Variants in MX1 observed in about 807,000 individuals in gnomAD.
MX1 encodes the protein interferon-induced GTP-binding protein Mx1.
In MX1, 66 loss-of-function variants were observed where a neutral mutation model predicts 66.4. The observed-to-expected ratio is 0.99, with a 90% CI of 0.82 to 1.22. The LOEUF is 1.22. Ranked by LOEUF, MX1 falls within the 50% of genes most tolerant of loss-of-function variation. The pLI is 0.00. For synonymous variants in MX1, 311 were observed against 318.1 expected, an observed-to-expected ratio of 0.98 and a Z score of 0.24; for missense variants, 787 against 834.3, an observed-to-expected ratio of 0.94 and a Z score of 0.70.
At chr21:41,421,582 G>T (rs1200024212), upstream of MX1, among the ~76,000 whole-genome samples, 1 of 152,218 alleles carries the variant, frequency 6.6e-6, no homozygotes, top group Non-Finnish European at 1.5e-5. Flanking sequence ...TTAGGGCGTG[G>T]TGATGACTCT....
chr21:41,435,992 G>A lies in MX1; in HGVS notation c.261G>A (p.Leu87=), dbSNP rs372896614. 2.5e-6 allele frequency: 4 copies of A among 1,614,208 alleles called. No homozygotes were observed. Among genetic ancestry groups the A allele is most frequent in the Non-Finnish European group, 2.5e-6 (3 of 1,180,038 alleles). The change falls in exon 6 of 17, where the codon TTG becomes TTA. Residue 87 remains leucine, a synonymous_variant. Transcript: ENST00000398598. ...GDQSSGKSSV[L]EALSGVALPR... ...AGAGCTCGGGCAAGAGCTCCGTGTT[G>A]GAGGCACTGTCAGGAGTTGCCCTTC... is the stretch of plus-strand genomic sequence containing the variant.
In MX1 at chr21:41,435,872, G is replaced by A; in HGVS notation, c.141G>A (p.Glu47=). 6.2e-7 allele frequency: 1 copy of A among 1,613,240 alleles called. No individual in the cohort carries two copies. The highest frequency in any genetic ancestry group is 8.5e-7 in the Non-Finnish European group (1 of 1,179,200). The change falls in exon 6 of 17, where the codon GAG becomes GAA. Residue 47 remains glutamate (E), a synonymous_variant. Transcript: ENST00000398598. ...ACAACCTGTGCAGCCAGTATGAGGA[G>A]AAGGTGCGCCCCTGCATCGACCTCA... The part of the protein sequence containing the change: ...AENNLCSQYE[E]KVRPCIDLID...
rs2090496638 is a variant in MX1, at chr21:41,441,077, G to GTGCTCGATGAGAATGGGGGAGCCCGCCTA, written c.730+58_730+59insATGAGAATGGGGGAGCCCGCCTATGCTCG. On this transcript the variant is annotated intron_variant, in intron 9 of 16. Transcript: ENST00000398598. This position sits in a 1 kb window ranked among gnomAD's most constrained non-coding sequence, Gnocchi z 4.0. ...TCAGTGAGAATGGGGGAGCCCGCCT[G>GTGCTCGATGAGAATGGGGGAGCCCGCCTA]TGCTCGGTGAGAATGGGGGAGCCCA... 6.9e-7 allele frequency: 1 copy of GTGCTCGATGAGAATGGGGGAGCCCGCCTA among 1,457,212 alleles called. No homozygotes were observed. The highest frequency in any genetic ancestry group is 9.2e-7 in the Non-Finnish European group (1 of 1,086,000). 90.3% of individuals were successfully genotyped at this position (1,457,212 alleles called of 1,614,324 possible).
intron 12 of MX1, 77 bp from the exon 13 acceptor site, chr21:41,445,923 T>C (rs528198222): frequency 6.4e-7 from 1 of 1,566,164 alleles, no homozygotes; most frequent in African/African-American, 1.4e-5. Flanking sequence ...ACCCTCCACA[T>C]AGGCACGGCC....
chr21:41,437,164 C>T lies in MX1; in HGVS notation c.436+12C>T. The T allele has an allele frequency of 6.2e-7, 1 of 1,613,720 alleles. No homozygotes were observed. Among genetic ancestry groups the T allele is most frequent in the Non-Finnish European group, 8.5e-7 (1 of 1,179,744 alleles). On this transcript the variant is annotated intron_variant, in intron 7 of 16. Transcript: ENST00000398598. ...GGAAATTAATAAAGGTGAGTACCCC[C>T]TGTTTGGATGCCTGGTCAAGCCTTC...
At chr21:41,433,305 G>A (rs1353922821) in intron 5 of MX1, among the ~76,000 whole-genome samples, 3 of 152,248 alleles carry the variant, frequency 2.0e-5, no homozygotes, top group African/African-American at 7.2e-5. Flanking sequence ...TGATTCTGCT[G>A]TGTGCTGGAG....
In MX1 at chr21:41,431,642, T is replaced by A. The variant is rs989291355; in HGVS notation, c.-21-408T>A. 3.7e-5 allele frequency: 6 copies of A among 162,388 alleles called. No individual in the cohort carries two copies. In the South Asian group the frequency reaches 9.7e-4, roughly 26 times the overall value. The allele number at this position is 162,388 out of a possible 1,614,324, so 10.1% of individuals were successfully genotyped here. On this transcript the variant is annotated intron_variant, in intron 4 of 16. Coordinates refer to ENST00000398598, the MANE Select transcript of MX1 (RefSeq NM_002462.5). ...GGTGCCCGCCACCATGCCTGGCTAATTTTTTTGTATTTTTAGTAGAGACAA... is the reference window on the plus strand; with the variant it reads ...GGTGCCCGCCACCATGCCTGGCTAAATTTTTTGTATTTTTAGTAGAGACAA...
chr21:41,436,766 A>G (rs1453909919), intron 6 of MX1, among the ~76,000 whole-genome samples: 1 of 152,230 alleles, frequency 6.6e-6, no homozygotes, highest in Non-Finnish European at 1.5e-5. Context: ...TGAGGCAGGA[A>G]GCCAAAAGTG....
Position 41,441,632 on chromosome 21 carries a change from G to A in MX1, c.731-84G>A, listed in dbSNP as rs2090515203. Reference sequence around the variant, plus strand: ...CAAGCAAGGATGGGAGGAAACCCTGGGAGGCCGGGGGCGTGAGCAGTTGTT... The same window carrying A: ...CAAGCAAGGATGGGAGGAAACCCTGAGAGGCCGGGGGCGTGAGCAGTTGTT... On this transcript the variant is annotated intron_variant, in intron 9 of 16. Transcript: ENST00000398598. The surrounding 1 kb of genome is among the most constrained non-coding windows in gnomAD (Gnocchi z 4.0). 6 of 1,430,338 alleles carry A rather than the reference G, an allele frequency of 4.2e-6. No homozygotes were observed. The South Asian group carries it at 4.7e-5, about 11-fold the overall frequency. The allele number at this position is 1,430,338 out of a possible 1,614,324, so 88.6% of individuals were successfully genotyped here.
chr21:41,426,804 G>A (rs1256564467), intron 1 of MX1: 1 of 152,170 alleles, frequency 6.6e-6, no homozygotes, highest in Non-Finnish European at 1.5e-5. Context: ...TCCGAGCTGG[G>A]CCGAGATGGG....
intron 5 of MX1, 144 bp downstream of exon 5, chr21:41,432,319 A>C (rs1242232995): frequency 1.4e-6 from 1 of 725,554 alleles, no homozygotes; most frequent in East Asian, 2.7e-5. Flanking sequence ...CTGACCCTCT[A>C]CTTGCCAGCT....
chr21:41,458,827 C>T lies in MX1; in HGVS notation c.*69C>T, dbSNP rs1184447504. 61 of 1,548,084 alleles carry T rather than the reference C, an allele frequency of 3.9e-5. No homozygotes were observed. The highest frequency in any genetic ancestry group is 5.1e-5 in the Non-Finnish European group (59 of 1,150,254). The stretch of plus-strand genomic sequence containing the variant: ...CCCCCGTTCCCGGGTAGCCACTGGA[C>T]TGACGACTTGAGTGCTCAGTAGTCA... On this transcript the variant is annotated 3_prime_UTR_variant, in exon 17 of 17. Transcript: ENST00000398598.
rs2091013079 is a variant in MX1, at chr21:41,458,650, C to T, written c.1881C>T (p.Ser627=). 6.2e-7 allele frequency: 1 copy of T among 1,614,248 alleles called. No individual in the cohort carries two copies. Among genetic ancestry groups the T allele is most frequent in the Non-Finnish European group, 8.5e-7 (1 of 1,180,050 alleles). ...TCCTGCAGGACAAGGACACCTACAGCTGGCTCCTGAAGGAGCGGAGCGACA... is the reference window on the plus strand; with the variant it reads ...TCCTGCAGGACAAGGACACCTACAGTTGGCTCCTGAAGGAGCGGAGCGACA... ...LQLLQDKDTY[S]WLLKERSDTS... is the part of the protein sequence containing the mutation. The change falls in exon 17 of 17, where the codon AGC becomes AGT. Residue 627 remains serine (S), a synonymous_variant. Transcript: ENST00000398598.
chr21:41,444,088 G>T (rs2075805), intron 11 of MX1, among the ~76,000 whole-genome samples: 1 of 151,952 alleles, frequency 6.6e-6, no homozygotes, highest in Non-Finnish European at 1.5e-5. Context: ...CAGTCAGGGG[G>T]AATGCTGATA....
At chr21:41,433,157 C>T (rs2090268759) in intron 5 of MX1, among the ~76,000 whole-genome samples, 1 of 152,200 alleles carries the variant, frequency 6.6e-6, no homozygotes, top group African/African-American at 2.4e-5. Context: ...CAAAGTGTGG[C>T]CCCCAGCCCA....
rs1218701595 is a variant in MX1 at position 41,451,858 on chromosome 21, A to AG, written c.1509+615_1509+616insG. ...TCAAAAAAAAAAAAAAAAACAAACA[A>AG]AAAAACTTTCCATCCAGAGTGAGGA... On this transcript the variant is annotated intron_variant, in intron 15 of 16. Coordinates refer to ENST00000398598, the MANE Select transcript of MX1 (RefSeq NM_002462.5). 1.0e-3 allele frequency among the ~76,000 whole-genome samples: 143 copies of AG among 138,210 alleles called. 12 individuals are homozygous for AG. Among genetic ancestry groups the AG allele is most frequent in the African/African-American group, 1.6e-3 (58 of 36,336 alleles). The allele number at this position is 138,210 out of a possible 152,430, so 90.7% of individuals were successfully genotyped here.
At chr21:41,445,608 T>C (rs759589770) in intron 12 of MX1, 38 bp downstream of exon 12, 67 of 1,612,092 alleles carry the variant, frequency 4.2e-5, no homozygotes, top group Non-Finnish European at 5.5e-5. Context: ...GAGAAGCACA[T>C]GTCATGGTCA....
At chr21:41,429,432 A>C (rs1377910336) in intron 3 of MX1, 1 of 152,192 alleles carries the variant, frequency 6.6e-6, no homozygotes, top group Non-Finnish European at 1.5e-5. Flanking sequence ...TCCTGGTCTC[A>C]ATGATGCTCC....
intron 16 of MX1, among the ~76,000 whole-genome samples, chr21:41,456,350 A>C (rs1382749811): frequency 2.6e-5 from 4 of 152,272 alleles, no homozygotes; most frequent in African/African-American, 9.6e-5. Flanking sequence ...GGAGCTGGCA[A>C]GTCCAAAATC....
Sources: gnomAD v4.1 joint callset for allele counts (sites outside exome capture counted in the v4.1 genomes callset) on GRCh38, gnomAD v4.1.1 for gene constraint, Gnocchi (gnomAD v3.1) non-coding constraint, MANE v1.5 for transcripts, NCBI Gene and HGNC (gene_info 2026-07-23, HGNC 2026-07-21) for gene names.